Variants in ZPLD1 observed in about 807,000 individuals in gnomAD.
ZPLD1 encodes the protein zona pellucida-like domain-containing protein 1.
ZPLD1 carries 34 observed loss-of-function variants against 47.2 expected under a neutral mutation model. The observed-to-expected ratio is 0.72, with a 90% CI of 0.55 to 0.96. ZPLD1 has a LOEUF of 0.96. ZPLD1 is among the 40% of genes least tolerant of loss of function. The pLI is 0.00. For synonymous variants in ZPLD1, 176 were observed against 186.2 expected, an observed-to-expected ratio of 0.95 and a Z score of 0.45; for missense variants, 512 against 505.8, an observed-to-expected ratio of 1.01 and a Z score of -0.12.
intron 8 of ZPLD1, among the ~76,000 whole-genome samples, chr3:102,426,330 C>G (rs1400702920): frequency 6.6e-6 from 1 of 152,032 alleles, no homozygotes; most frequent in Non-Finnish European, 1.5e-5. Context: ...CCAGCCTGGC[C>G]AACATGGTGA....
chr3:102,411,519 G>A (rs1576131025), intron 7 of ZPLD1, among the ~76,000 whole-genome samples: 1 of 151,726 alleles, frequency 6.6e-6, no homozygotes, highest in African/African-American at 2.4e-5. Flanking sequence ...TCTTACAGAG[G>A]TAACTCTTAT....
rs1298139108 is a variant in ZPLD1, at chr3:102,436,977, G to T, written c.-9+4G>T. 1.0e-6 allele frequency: 1 copy of T among 978,992 alleles called. No homozygotes were observed. Among genetic ancestry groups the T allele is most frequent in the Admixed American group, 6.1e-5 (1 of 16,270 alleles). The allele number at this position is 978,992 out of a possible 1,614,324, so 60.6% of individuals were successfully genotyped here. A position where few individuals can be genotyped will look rare whatever the true frequency, so the allele number is the denominator to read the frequency against. ...GAGCATGGAGCATGGAATAAATGTG[G>T]GTGCAGTGGAGTGTATTGCTTATTC... On this transcript the variant is annotated splice_donor_region_variant and intron_variant, in intron 2 of 11. Transcript: ENST00000466937.
chr3:102,474,485 G>A (rs1041804786), intron 10 of ZPLD1, among the ~76,000 whole-genome samples: 2 of 152,130 alleles, frequency 1.3e-5, no homozygotes, highest in Admixed American at 1.3e-4. Context: ...GGATCTTAGA[G>A]TTCAGAGGTA....
At chr3:102,391,504 C>T (rs1235839784) in intron 6 of ZPLD1, among the ~76,000 whole-genome samples, 1 of 151,894 alleles carries the variant, frequency 6.6e-6, no homozygotes, top group Non-Finnish European at 1.5e-5. Context: ...AAAAGTGATA[C>T]AGTTTCTGCT....
upstream of ZPLD1, among the ~76,000 whole-genome samples, chr3:102,431,963 C>T (rs933961792): frequency 2.0e-5 from 3 of 152,110 alleles, no homozygotes; most frequent in South Asian, 6.2e-4. Context: ...TTAATATGTA[C>T]TTTTCCTGGA....
At chr3:102,388,884 T>A (rs552088176) in intron 6 of ZPLD1, among the ~76,000 whole-genome samples, 1 of 152,354 alleles carries the variant, frequency 6.6e-6, no homozygotes, top group Admixed American at 6.5e-5. Flanking sequence ...GTCTGGGTGC[T>A]ACAATGTGAT....
rs138211885 is a variant in ZPLD1, at chr3:102,449,461, A to G, written c.107-3458A>G. Among the ~76,000 whole-genome samples the G allele has an allele frequency of 2.7e-3, 415 of 152,312 alleles. 1 individual carries two copies. The highest frequency in any genetic ancestry group is 4.2e-3 in the Non-Finnish European group (283 of 68,038). ...CAGAAAATACTAAGTGGAAAATTCC[A>G]TATATAAACAATTCACACATTTTAA... On this transcript the variant is annotated intron_variant, in intron 3 of 11. Transcript: ENST00000466937.
chr3:102,393,698 G>C (rs2107286317), intron 7 of ZPLD1, among the ~76,000 whole-genome samples: 1 of 151,730 alleles, frequency 6.6e-6, no homozygotes, highest in East Asian at 1.9e-4. Flanking sequence ...AGCTAGTTTT[G>C]AGTTGGTAAA....
chr3:102,431,356 G>A (rs931568518), upstream of ZPLD1, among the ~76,000 whole-genome samples: 1 of 152,080 alleles, frequency 6.6e-6, no homozygotes, highest in African/African-American at 2.4e-5. Flanking sequence ...TTCTTTGTTT[G>A]AGGCATTATT....
intron 7 of ZPLD1, among the ~76,000 whole-genome samples, chr3:102,417,232 G>T (rs976704522): frequency 1.3e-5 from 2 of 151,990 alleles, no homozygotes; most frequent in Non-Finnish European, 2.9e-5. Context: ...ATGGCAGACG[G>T]AGTAATATAA....
At chr3:102,387,603 T>G (rs1201858014) in intron 6 of ZPLD1, among the ~76,000 whole-genome samples, 1 of 152,186 alleles carries the variant, frequency 6.6e-6, no homozygotes, top group East Asian at 1.9e-4. Context: ...AATCATTTTC[T>G]CTCATATTTC....
intron 10 of ZPLD1, among the ~76,000 whole-genome samples, chr3:102,472,368 C>T (rs1019020338): frequency 1.3e-5 from 2 of 152,026 alleles, no homozygotes; most frequent in African/African-American, 4.8e-5. Flanking sequence ...CCCGTCTCTA[C>T]TAAAAATACA....
chr3:102,459,006 C>T lies in ZPLD1; in HGVS notation c.582+1153C>T, dbSNP rs551887062. On this transcript the variant is annotated intron_variant, in intron 6 of 11. Coordinates refer to ENST00000466937, the MANE Select transcript of ZPLD1 (RefSeq NM_001329788.2). ...TCGGGAGGCTGAGGCAGGAGAATGG[C>T]GTGAACCCGGGAGGCGGAGGTTGCA... Among the ~76,000 whole-genome samples the T allele has an allele frequency of 2.2e-4, 31 of 140,080 alleles. No homozygotes were observed. In the South Asian group the frequency reaches 2.6e-3, roughly 12 times the overall value. The allele number at this position is 140,080 out of a possible 152,430, so 91.9% of individuals were successfully genotyped here. A position where few individuals can be genotyped will look rare whatever the true frequency, so the allele number is the denominator to read the frequency against.
chr3:102,407,967 C>T (rs1706709534), intron 7 of ZPLD1, among the ~76,000 whole-genome samples: 1 of 151,792 alleles, frequency 6.6e-6, no homozygotes, highest in African/African-American at 2.4e-5. Flanking sequence ...GCACCTAAAC[C>T]AGACTGGGAC....
Position 102,456,344 on chromosome 3 carries a change from A to C in ZPLD1, c.479A>C (p.Glu160Ala), listed in dbSNP as rs1559757322. Residue 160 changes from glutamate to alanine, a missense_variant, in exon 5 of 12, where the codon GAA becomes GCA. Transcript: ENST00000466937. The stretch of plus-strand genomic sequence containing the variant: ...AAATTTAGTTGTAGTTATCCATTGG[A>C]ATACCTGGTTAATAATACCCAGCTT... ...LYKFSCSYPL[E>A]YLVNNTQLAS... 6.2e-7 allele frequency: 1 copy of C among 1,613,114 alleles called. No homozygotes were observed.
chr3:102,434,893 C>T (rs1323692307), upstream of ZPLD1: 2 of 503,032 alleles, frequency 4.0e-6, no homozygotes, highest in Non-Finnish European at 7.1e-6. Context: ...GTTCTACATT[C>T]TGAAAAGAAA....
chr3:102,439,793 A>G (rs190339972), intron 3 of ZPLD1, among the ~76,000 whole-genome samples: 1 of 152,316 alleles, frequency 6.6e-6, no homozygotes, highest in Admixed American at 6.5e-5. Flanking sequence ...ATTATCCTTT[A>G]CGTATACGTC....
intron 6 of ZPLD1, among the ~76,000 whole-genome samples, chr3:102,459,026 G>C (rs1044669438): frequency 2.0e-4 from 29 of 144,370 alleles, no homozygotes; most frequent in East Asian, 8.4e-4. Context: ...GGAGGCGGAG[G>C]TTGCAGGGAG....
At chr3:102,390,052 C>T (rs1299426984) in intron 6 of ZPLD1, among the ~76,000 whole-genome samples, 2 of 152,164 alleles carry the variant, frequency 1.3e-5, no homozygotes, top group Non-Finnish European at 2.9e-5. Flanking sequence ...TAATGTGTTA[C>T]ACCCTCCTTA....
Sources: allele counts gnomAD v4.1 joint callset (sites outside exome capture counted in the v4.1 genomes callset), GRCh38; gene constraint gnomAD v4.1.1; transcripts MANE v1.5; gene names NCBI Gene and HGNC (gene_info 2026-07-23, HGNC 2026-07-21).